The following GABRB3 variants were observed in gnomAD, a reference collection of about 807,000 sequenced individuals.
The protein encoded by GABRB3 is gamma-aminobutyric acid receptor subunit beta-3.
In GABRB3, 14 loss-of-function variants were observed where a neutral mutation model predicts 52.1. The ratio of observed to expected loss-of-function variants is 0.27; its 90% CI spans 0.18 to 0.42. GABRB3 has a LOEUF of 0.42. GABRB3 is among the 10% of genes least tolerant of loss of function. The probability of loss-of-function intolerance (pLI) is 1.00; values close to 1 mark genes in which losing one functional copy is unlikely to be tolerated. For synonymous variants in GABRB3, 260 were observed against 232.3 expected (o/e 1.12, Z -1.08); for missense variants, 307 against 609.1 (o/e 0.50, Z 5.22).
intron 3 of GABRB3, among the ~76,000 whole-genome samples, chr15:26,768,500 T>C (rs1729227347): frequency 6.6e-6 from 1 of 152,236 alleles, no homozygotes; most frequent in Admixed American, 6.5e-5. Flanking sequence ...CAATATTTTA[T>C]GTTTCCTATA....
chr15:26,574,951 C>T (rs1177965815), intron 6 of GABRB3, among the ~76,000 whole-genome samples: 1 of 152,174 alleles, frequency 6.6e-6, no homozygotes, highest in Non-Finnish European at 1.5e-5. Flanking sequence ...TTTTTACTGG[C>T]AATCAAATTC....
intron 3 of GABRB3, among the ~76,000 whole-genome samples, chr15:26,704,526 G>A (rs1287157936): frequency 6.6e-6 from 1 of 152,126 alleles, no homozygotes; most frequent in African/African-American, 2.4e-5. Flanking sequence ...TAAATGGCCA[G>A]GCTGAGAATT....
At chr15:26,643,941 A>G (rs142988431) in intron 3 of GABRB3, among the ~76,000 whole-genome samples, 1 of 152,344 alleles carries the variant, frequency 6.6e-6, no homozygotes, top group Non-Finnish European at 1.5e-5. Context: ...GCTTCGTGGA[A>G]TTCAATGAGA....
At position 26,653,673 on chromosome 15, in the gene GABRB3, G is replaced by A. The variant is rs1277426678; in HGVS notation, c.241-32139C>T. The stretch of plus-strand genomic sequence containing the variant: ...TTGATATATTGGCTGTATCTGGGCA[G>A]CAGGCAAAATGGACCCATTGGGTGG... On this transcript the variant is annotated intron_variant, in intron 3 of 8. Coordinates refer to ENST00000311550, the MANE Select transcript of GABRB3 (RefSeq NM_000814.6). 5.3e-5 allele frequency among the ~76,000 whole-genome samples: 8 copies of A among 152,192 alleles called. No homozygotes were observed. In the East Asian group the frequency reaches 1.5e-3, roughly 29 times the overall value.
intron 3 of GABRB3, among the ~76,000 whole-genome samples, chr15:26,726,280 T>C (rs146141546): frequency 1.8e-4 from 27 of 152,354 alleles, no homozygotes; most frequent in African/African-American, 5.8e-4. Context: ...TTAGGGATGC[T>C]CAACCTGTGT....
Position 26,554,021 on chromosome 15 carries a change from TTA to T in GABRB3, c.1081-5889_1081-5888del, listed in dbSNP as rs1218959912. On this transcript the variant is annotated intron_variant, in intron 8 of 8. Coordinates refer to ENST00000311550, the MANE Select transcript of GABRB3 (RefSeq NM_000814.6). ...TCCCGAGTAGCTGACACCTGACTAT[TTA>T]TATATATATATATTTATTTATTTAT... Among the ~76,000 whole-genome samples, 124 of 23,682 alleles carry T rather than the reference TTA, an allele frequency of 5.2e-3. 22 individuals carry two copies. The highest frequency in any genetic ancestry group is 9.9e-3 in the Non-Finnish European group (100 of 10,072). 15.5% of individuals were successfully genotyped at this position (23,682 alleles called of 152,430 possible).
chr15:26,563,534 C>T (rs1890061125), intron 7 of GABRB3, among the ~76,000 whole-genome samples: 3 of 152,336 alleles, frequency 2.0e-5, no homozygotes, highest in Middle Eastern at 6.8e-3. Flanking sequence ...ACCCAAAGCC[C>T]AGCTCTGCCT....
Position 26,545,371 on chromosome 15 carries a change from G to A in GABRB3, c.*2422C>T, listed in dbSNP as rs1269907796. 2.0e-5 allele frequency: 3 copies of A among 152,556 alleles called. No individual in the cohort carries two copies. The highest frequency in any genetic ancestry group is 4.8e-5 in the African/African-American group (2 of 41,428). 9.5% of individuals were successfully genotyped at this position (152,556 alleles called of 1,614,324 possible). On this transcript the variant is annotated 3_prime_UTR_variant, in exon 9 of 9. Transcript: ENST00000311550. ...TGCAAATTTATATCCAGAAAACCTT[G>A]GGAAGGAGACTGCAGCTCTTTGGAG...
chr15:26,548,735 G>A (rs938299087), intron 8 of GABRB3, among the ~76,000 whole-genome samples: 3 of 152,110 alleles, frequency 2.0e-5, no homozygotes, highest in Admixed American at 1.3e-4. Flanking sequence ...TAAAATAGAC[G>A]AAATTCCCTT....
At chr15:26,685,644 A>G (rs1888376840) in intron 3 of GABRB3, among the ~76,000 whole-genome samples, 1 of 152,064 alleles carries the variant, frequency 6.6e-6, no homozygotes, top group Admixed American at 6.5e-5. Context: ...AATACTTTCA[A>G]TACGATTATG....
intron 6 of GABRB3, among the ~76,000 whole-genome samples, chr15:26,572,836 C>T (rs1015350587): frequency 1.9e-4 from 29 of 152,254 alleles, no homozygotes; most frequent in African/African-American, 6.7e-4. Context: ...AGGCACAGTC[C>T]CTGGGCACAA....
chr15:26,650,889 T>C (rs1368135379), intron 3 of GABRB3, among the ~76,000 whole-genome samples: 3 of 152,114 alleles, frequency 2.0e-5, no homozygotes, highest in Admixed American at 1.3e-4. Flanking sequence ...TCAGGAAAGA[T>C]GGCCTGCCCT....
At chr15:26,718,322 C>T (rs541518426) in intron 3 of GABRB3, among the ~76,000 whole-genome samples, 65 of 152,236 alleles carry the variant, frequency 4.3e-4, no homozygotes, top group Admixed American at 1.8e-3. Flanking sequence ...GATTCTCCTG[C>T]CTCAGCCTTC....
chr15:26,688,712 T>C (rs143603013), intron 3 of GABRB3, among the ~76,000 whole-genome samples: 110 of 152,328 alleles, frequency 7.2e-4, no homozygotes, highest in African/African-American at 2.3e-3. Context: ...ACAGGAATCA[T>C]AGAAGTCACT....
At chr15:26,571,126 C>T (rs1890377969) in intron 6 of GABRB3, among the ~76,000 whole-genome samples, 1 of 152,130 alleles carries the variant, frequency 6.6e-6, no homozygotes, top group Non-Finnish European at 1.5e-5. Context: ...AATATTGGCT[C>T]TTAATCTGCA....
chr15:26,567,115 A>G (rs1196854599), intron 7 of GABRB3, among the ~76,000 whole-genome samples: 1 of 152,216 alleles, frequency 6.6e-6, no homozygotes, highest in Non-Finnish European at 1.5e-5. Flanking sequence ...GTCAGGAAAG[A>G]TCACTAGAGC....
chr15:26,716,293 C>T (rs115840741), intron 3 of GABRB3, among the ~76,000 whole-genome samples: 8,804 of 152,164 alleles, frequency 0.058, 296 homozygotes, highest in Middle Eastern at 0.18. Flanking sequence ...GGTGGAAGCA[C>T]ATCCAACAAA....
At chr15:26,572,292 T>C (rs908799593) in intron 6 of GABRB3, among the ~76,000 whole-genome samples, 14 of 152,298 alleles carry the variant, frequency 9.2e-5, no homozygotes, top group African/African-American at 3.1e-4. Context: ...TATAAAAATA[T>C]GCTAGGGCAC....
chr15:26,585,224 G>T (rs1368774054), intron 4 of GABRB3, among the ~76,000 whole-genome samples: 1 of 152,152 alleles, frequency 6.6e-6, no homozygotes, highest in Non-Finnish European at 1.5e-5. Context: ...CAGTGATGGG[G>T]AGTAAGAATG....
Sources: gnomAD v4.1 joint callset for allele counts (sites outside exome capture counted in the v4.1 genomes callset) on GRCh38, gnomAD v4.1.1 for gene constraint, MANE v1.5 for transcripts, NCBI Gene and HGNC (gene_info 2026-07-23, HGNC 2026-07-21) for gene names.